The following UNC79 variants were observed in gnomAD, a reference collection of about 807,000 sequenced individuals.
UNC79 encodes unc-79 subunit of NALCN channel complex.
A neutral mutation model predicts 283.1 loss-of-function variants in UNC79; 37 were observed. The ratio of observed to expected loss-of-function variants is 0.13; its 90% CI spans 0.10 to 0.17. The LOEUF (loss-of-function observed/expected upper bound fraction) is 0.17, where lower values mean the gene tolerates loss of function less well. UNC79 is among the 10% of genes least tolerant of loss of function. UNC79 has a pLI of 1.00. For synonymous variants in UNC79, 1,107 were observed against 1,200.2 expected (o/e 0.92, Z 1.61); for missense variants, 2,272 against 3,211.1 (o/e 0.71, Z 7.07).
At chr14:93,464,578 C>T (rs2057086444) in intron 1 of UNC79, 1 of 456,140 alleles carries the variant, frequency 2.2e-6, no homozygotes, top group African/African-American at 2.0e-5. Flanking sequence ...CCACAAAATT[C>T]AGTCAATAAC....
At chr14:93,609,732 C>T (rs982964821) in intron 26 of UNC79, among the ~76,000 whole-genome samples, 1 of 152,000 alleles carries the variant, frequency 6.6e-6, no homozygotes, top group Non-Finnish European at 1.5e-5. Flanking sequence ...TTGTCTTTAT[C>T]GATGGAGAAC....
chr14:93,617,435 G>A lies in UNC79; in HGVS notation c.4224+131G>A, dbSNP rs560108463. On this transcript the variant is annotated intron_variant, in intron 28 of 48. Transcript: ENST00000555664. This position sits in a 1 kb window ranked among gnomAD's most constrained non-coding sequence, Gnocchi z 4.5. The stretch of plus-strand genomic sequence containing the variant: ...ACCTTCAGAAGGAAGATCAGGATAT[G>A]CAATTACTGTTAAGAACCAAAGAGC... The A allele has an allele frequency of 2.3e-5, 22 of 942,822 alleles. No homozygotes were observed. The East Asian group carries it at 5.6e-4, about 24-fold the overall frequency. 58.4% of individuals were successfully genotyped at this position (942,822 alleles called of 1,614,324 possible). A position where few individuals can be genotyped will look rare whatever the true frequency, so the allele number is the denominator to read the frequency against.
At chr14:93,365,454 AT>A (rs1461526841) in intron 1 of UNC79, among the ~76,000 whole-genome samples, 1 of 151,934 alleles carries the variant, frequency 6.6e-6, no homozygotes, top group Non-Finnish European at 1.5e-5. Context: ...AATCAATACC[AT>A]AAAAAAGAAG....
chr14:93,480,611 A>C (rs1287088194), intron 4 of UNC79, among the ~76,000 whole-genome samples: 1 of 152,166 alleles, frequency 6.6e-6, no homozygotes. Context: ...TACACCATTC[A>C]GGTGTTTCCT....
intron 5 of UNC79, among the ~76,000 whole-genome samples, chr14:93,495,957 T>C (rs1410777198): frequency 1.3e-5 from 2 of 152,224 alleles, no homozygotes; most frequent in Non-Finnish European, 2.9e-5. Context: ...CATTCAACCT[T>C]GGGCAAGTTG....
At chr14:93,479,807 AT>A (rs1223506357) in intron 4 of UNC79, among the ~76,000 whole-genome samples, 21 of 151,970 alleles carry the variant, frequency 1.4e-4, no homozygotes, top group Non-Finnish European at 2.5e-4. Flanking sequence ...AATTAAAAAA[AT>A]TTTTTTGTAG....
intron 29 of UNC79, 143 bp downstream of exon 30, chr14:93,618,497 A>G (rs2066894877): frequency 1.0e-6 from 1 of 960,502 alleles, no homozygotes; most frequent in African/African-American, 1.7e-5. Context: ...CCAACTTTCC[A>G]TGAATGTTGC....
At chr14:93,569,173 C>T (rs981919856) in intron 14 of UNC79, among the ~76,000 whole-genome samples, 5 of 152,160 alleles carry the variant, frequency 3.3e-5, no homozygotes, top group African/African-American at 7.2e-5. Flanking sequence ...TGGTGGCTCA[C>T]GCCTGTAATC....
At chr14:93,529,686 A>G (rs2060715596) in intron 10 of UNC79, among the ~76,000 whole-genome samples, 1 of 152,200 alleles carries the variant, frequency 6.6e-6, no homozygotes, top group African/African-American at 2.4e-5. Context: ...AATAAGGAAC[A>G]CTAGCTGGGA....
At chr14:93,461,034 G>A (rs1304683132) in intron 1 of UNC79, among the ~76,000 whole-genome samples, 1 of 152,140 alleles carries the variant, frequency 6.6e-6, no homozygotes, top group Non-Finnish European at 1.5e-5. Context: ...TGCATAGAAA[G>A]TGAGGAAAAC....
In UNC79 at chr14:93,497,298, G is replaced by A. The variant is rs2059055291; in HGVS notation, c.898+12G>A. 1 of 1,608,164 alleles carries A rather than the reference G, an allele frequency of 6.2e-7. No individual in the cohort carries two copies. Among genetic ancestry groups the A allele is most frequent in the Non-Finnish European group, 8.5e-7 (1 of 1,179,282 alleles). ...GTTGCAGTACACAGGTAAGAGGAGA[G>A]GAGCCCTGTGATGCCCCATCTGTAT... On this transcript the variant is annotated intron_variant, in intron 7 of 48. Transcript: ENST00000555664.
chr14:93,408,499 C>T (rs2055270848), intron 1 of UNC79, among the ~76,000 whole-genome samples: 1 of 152,130 alleles, frequency 6.6e-6, no homozygotes, highest in Non-Finnish European at 1.5e-5. Flanking sequence ...TCAAGACTAA[C>T]CTAGGCAACA....
intron 30 of UNC79, among the ~76,000 whole-genome samples, chr14:93,625,434 A>G (rs894177268): frequency 6.6e-6 from 1 of 152,150 alleles, no homozygotes; most frequent in Non-Finnish European, 1.5e-5. Flanking sequence ...ATTCCTGTGG[A>G]TTTTAATATT....
intron 40 of UNC79, among the ~76,000 whole-genome samples, chr14:93,668,939 G>A (rs916903063): frequency 7.3e-6 from 1 of 136,934 alleles, no homozygotes; most frequent in African/African-American, 2.8e-5. Flanking sequence ...TGTGGCTACA[G>A]TGAGCTTTCA....
chr14:93,659,042 C>T, intron 38 of UNC79, 151 bp from the exon 42 acceptor site: 1 of 576,888 alleles, frequency 1.7e-6, no homozygotes, highest in Admixed American at 3.5e-5. Context: ...TGACTTTTTT[C>T]AACAAGGATA....
At chr14:93,675,458 T>TA (rs558174852) in intron 41 of UNC79, among the ~76,000 whole-genome samples, 16 of 148,470 alleles carry the variant, frequency 1.1e-4, no homozygotes, top group African/African-American at 1.7e-4. Context: ...ACATGTAAGT[T>TA]AAAAAAAAAA....
intron 7 of UNC79, among the ~76,000 whole-genome samples, chr14:93,522,138 A>G (rs2060351520): frequency 6.6e-6 from 1 of 152,050 alleles, no homozygotes; most frequent in Non-Finnish European, 1.5e-5. Flanking sequence ...TCCACAAAAA[A>G]GCATTTATTT....
chr14:93,440,129 CAG>C (rs1472791833), intron 1 of UNC79, among the ~76,000 whole-genome samples: 1 of 150,698 alleles, frequency 6.6e-6, no homozygotes, highest in African/African-American at 2.4e-5. Context: ...TATTATAAAA[CAG>C]AGATGATTTA....
intron 34 of UNC79, 103 bp from the exon 38 acceptor site, chr14:93,646,505 T>A: frequency 9.1e-7 from 1 of 1,094,108 alleles, no homozygotes; most frequent in Non-Finnish European, 1.4e-6. Flanking sequence ...TATACATGTC[T>A]CCCCATCTAA....
Sources: gnomAD v4.1 joint callset for allele counts (sites outside exome capture counted in the v4.1 genomes callset) on GRCh38, gnomAD v4.1.1 for gene constraint, Gnocchi (gnomAD v3.1) non-coding constraint, MANE v1.5 for transcripts, NCBI Gene and HGNC (gene_info 2026-07-23, HGNC 2026-07-21) for gene names.